Variants in TMEM38B observed in about 807,000 individuals in gnomAD.
TMEM38B encodes the protein trimeric intracellular cation channel type B.
Under a neutral mutation model 28.7 loss-of-function variants are expected in TMEM38B, and 24 were observed. That is an observed-to-expected ratio of 0.84 (90% CI 0.61 to 1.18). TMEM38B has a LOEUF of 1.18. Among genes scored for constraint, TMEM38B ranks in the 50% most tolerant of loss-of-function variants. The probability of loss-of-function intolerance (pLI) is 0.00; values close to 1 mark genes in which losing one functional copy is unlikely to be tolerated. For synonymous variants in TMEM38B, 131 were observed against 127.7 expected (o/e 1.03, Z -0.17); for missense variants, 380 against 350.9 (o/e 1.08, Z -0.66).
intron 2 of TMEM38B, among the ~76,000 whole-genome samples, chr9:105,720,314 G>A (rs7019359): frequency 0.43 from 64,997 of 151,864 alleles, 16,049 homozygotes; most frequent in African/African-American, 0.68. Context: ...AAGAACTATT[G>A]TAGTTCATTA....
intron 2 of TMEM38B, chr9:105,710,336 A>C (rs2133560530): frequency 1.4e-6 from 1 of 701,118 alleles, no homozygotes; most frequent in East Asian, 2.6e-5. Context: ...TCTTCCAGCC[A>C]GTCTATTTCT....
intron 3 of TMEM38B, 108 bp downstream of exon 3, chr9:105,721,829 G>A (rs1836332271): frequency 1.2e-6 from 1 of 855,964 alleles, no homozygotes; most frequent in African/African-American, 1.8e-5. Flanking sequence ...TTTAATAACA[G>A]AGACTTTTTG....
chr9:105,695,999 ACATT>A (rs1406825619), intron 1 of TMEM38B, among the ~76,000 whole-genome samples: 1 of 152,242 alleles, frequency 6.6e-6, no homozygotes, highest in Non-Finnish European at 1.5e-5. Context: ...TCAGATGTTC[ACATT>A]GTGGTCCAGG....
At position 105,775,010 on chromosome 9, in the gene TMEM38B, C is replaced by G. The variant is rs1046289386; in HGVS notation, c.*930C>G. The G allele has an allele frequency of 2.6e-5, 4 of 152,024 alleles. No individual in the cohort carries two copies. Among genetic ancestry groups the G allele is most frequent in the African/African-American group, 9.7e-5 (4 of 41,406 alleles). 9.4% of individuals were successfully genotyped at this position (152,024 alleles called of 1,614,324 possible). A position where few individuals can be genotyped will look rare whatever the true frequency, so the allele number is the denominator to read the frequency against. The stretch of plus-strand genomic sequence containing the variant: ...TGTAATTATTCAACAAAAAGCATAT[C>G]CGTTCAAAAATTTTTCCACTATGTC... On this transcript the variant is annotated 3_prime_UTR_variant, in exon 6 of 6. Transcript: ENST00000374692.
intron 2 of TMEM38B, among the ~76,000 whole-genome samples, chr9:105,717,752 A>C (rs1836163015): frequency 6.6e-6 from 1 of 152,128 alleles, no homozygotes; most frequent in Non-Finnish European, 1.5e-5. Flanking sequence ...CCCCTGCTGT[A>C]TAGTCCATTA....
chr9:105,734,744 A>G (rs1836906385), intron 4 of TMEM38B, among the ~76,000 whole-genome samples: 1 of 151,874 alleles, frequency 6.6e-6, no homozygotes, highest in African/African-American at 2.4e-5. Flanking sequence ...ATATACGTAT[A>G]CCCACCTCTG....
intron 4 of TMEM38B, among the ~76,000 whole-genome samples, chr9:105,730,102 T>G (rs905082931): frequency 1.3e-5 from 2 of 152,198 alleles, no homozygotes; most frequent in African/African-American, 4.8e-5. Context: ...TGGCCAGACC[T>G]TCCAATACTA....
chr9:105,713,954 G>C (rs1276053622), intron 2 of TMEM38B, among the ~76,000 whole-genome samples: 1 of 108,476 alleles, frequency 9.2e-6, no homozygotes, highest in Admixed American at 9.3e-5. Flanking sequence ...ACATGGGGAT[G>C]ACCAGCTGCA....
chr9:105,765,845 A>G (rs560435252), intron 5 of TMEM38B, among the ~76,000 whole-genome samples: 32 of 152,096 alleles, frequency 2.1e-4, no homozygotes, highest in African/African-American at 1.7e-4. Flanking sequence ...TCTGTCACCC[A>G]GGCTGGAGTG....
At chr9:105,747,900 T>G (rs1837484757) in intron 4 of TMEM38B, among the ~76,000 whole-genome samples, 173 bp from the exon 5 acceptor site, 1 of 152,198 alleles carries the variant, frequency 6.6e-6, no homozygotes, top group Non-Finnish European at 1.5e-5. Flanking sequence ...AGTGAGTTTC[T>G]TAATCCTGTA....
chr9:105,694,796 G>A (rs762368214), intron 1 of TMEM38B, 24 bp downstream of exon 1: 5 of 1,324,652 alleles, frequency 3.8e-6, no homozygotes, highest in Non-Finnish European at 5.0e-6. Flanking sequence ...GCCGCGGGCC[G>A]GACCCCTCAG....
chr9:105,771,862 C>T lies in TMEM38B; in HGVS notation c.661-2003C>T, dbSNP rs372079590. Among the ~76,000 whole-genome samples the T allele has an allele frequency of 1.2e-4, 19 of 152,150 alleles. No individual in the cohort carries two copies. In the East Asian group the frequency reaches 2.5e-3, roughly 20 times the overall value. On this transcript the variant is annotated intron_variant, in intron 5 of 5. Coordinates refer to ENST00000374692, the MANE Select transcript of TMEM38B (RefSeq NM_018112.3). Reference sequence around the variant, plus strand: ...TTCCTGGGAAATCTCTATTACTGCCCTTTCTCTTCTTTACTGTTTGGTAAT... The same window carrying T: ...TTCCTGGGAAATCTCTATTACTGCCTTTTCTCTTCTTTACTGTTTGGTAAT...
intron 5 of TMEM38B, chr9:105,760,220 A>C: frequency 1.1e-6 from 1 of 879,966 alleles, no homozygotes; most frequent in Non-Finnish European, 1.9e-6. Flanking sequence ...GATATGTCCA[A>C]ACTTCATGAT....
intron 2 of TMEM38B, among the ~76,000 whole-genome samples, chr9:105,709,426 AATTAT>A (rs1240847109): frequency 2.0e-5 from 3 of 152,214 alleles, no homozygotes; most frequent in Non-Finnish European, 4.4e-5. Flanking sequence ...TGGGTTCTAT[AATTAT>A]ATTAAGATAT....
chr9:105,749,576 C>G (rs1333468205), intron 5 of TMEM38B, among the ~76,000 whole-genome samples: 4 of 152,158 alleles, frequency 2.6e-5, no homozygotes, highest in Non-Finnish European at 5.9e-5. Context: ...AACCATATCA[C>G]ATATCATACA....
intron 5 of TMEM38B, chr9:105,759,938 G>A (rs1300842095): frequency 1.9e-6 from 3 of 1,586,844 alleles, no homozygotes; most frequent in East Asian, 2.2e-5. Flanking sequence ...GTTGGACAAA[G>A]CAGCACAAGT....
intron 5 of TMEM38B, chr9:105,759,996 CAAT>C: frequency 6.7e-7 from 1 of 1,483,988 alleles, no homozygotes; most frequent in Non-Finnish European, 9.3e-7. Context: ...GTGCTGCAAT[CAAT>C]AAAAGACTCT....
At chr9:105,701,463 T>C (rs1835457317) in intron 1 of TMEM38B, 1 of 152,198 alleles carries the variant, frequency 6.6e-6, no homozygotes, top group South Asian at 2.1e-4. Context: ...GCTTCTGAGA[T>C]TTTTTGCAAA....
chr9:105,773,543 C>T (rs770878705), intron 5 of TMEM38B, among the ~76,000 whole-genome samples: 26 of 152,248 alleles, frequency 1.7e-4, no homozygotes, highest in Admixed American at 4.6e-4. Context: ...CACTTATCTT[C>T]GTTCTGACAC....
Sources: allele counts gnomAD v4.1 joint callset (sites outside exome capture counted in the v4.1 genomes callset), GRCh38; gene constraint gnomAD v4.1.1; transcripts MANE v1.5; gene names NCBI Gene and HGNC (gene_info 2026-07-23, HGNC 2026-07-21).